TRPC4AP: variants seen among roughly 807,000 people sequenced by gnomAD.
TRPC4AP encodes short transient receptor potential channel 4-associated protein.
A neutral mutation model predicts 99.0 loss-of-function variants in TRPC4AP; 45 were observed. The observed-to-expected ratio is 0.45, with a 90% confidence interval of 0.36 to 0.58. TRPC4AP has a LOEUF of 0.58. TRPC4AP is among the 20% of genes least tolerant of loss of function. The pLI is 0.00. For missense variants in TRPC4AP, 879 were observed against 985.3 expected, an observed-to-expected ratio of 0.89 and a Z score of 1.44; for synonymous variants, 408 against 385.8, an observed-to-expected ratio of 1.06 and a Z score of -0.67.
At chr20:35,054,817 C>T (rs916889873) in intron 5 of TRPC4AP, among the ~76,000 whole-genome samples, 159 bp downstream of exon 5, 2 of 152,164 alleles carry the variant, frequency 1.3e-5, no homozygotes, top group African/African-American at 4.8e-5. Flanking sequence ...GTAATTTCTA[C>T]CAGTTAGTCC....
At position 35,024,825 on chromosome 20, in the gene TRPC4AP, CAAAAAAAAAA is replaced by C. The variant is rs778161091; in HGVS notation, c.1052-3479_1052-3470del. 3.1e-4 allele frequency among the ~76,000 whole-genome samples: 11 copies of C among 35,876 alleles called. 1 individual carries two copies. Among genetic ancestry groups the C allele is most frequent in the East Asian group, 9.6e-4 (1 of 1,046 alleles). The allele number at this position is 35,876 out of a possible 152,430, so 23.5% of individuals were successfully genotyped here. On this transcript the variant is annotated intron_variant, in intron 8 of 18. Transcript: ENST00000252015. ...CCTAGGTGACAGAGAGAGACCGTCT[CAAAAAAAAAA>C]AAAAAAAAAAAAAAAAAAAATTCTG...
chr20:35,019,727 T>C (rs1455946741), intron 9 of TRPC4AP, among the ~76,000 whole-genome samples: 1 of 152,186 alleles, frequency 6.6e-6, no homozygotes, highest in Non-Finnish European at 1.5e-5. Flanking sequence ...AAAACTATTA[T>C]TTTTTATTAA....
intron 2 of TRPC4AP, among the ~76,000 whole-genome samples, chr20:35,070,166 A>G (rs2084268599): frequency 6.6e-6 from 1 of 152,164 alleles, no homozygotes; most frequent in Non-Finnish European, 1.5e-5. Context: ...CCAACAGCAC[A>G]TGAAGCAGAG....
intron 13 of TRPC4AP, among the ~76,000 whole-genome samples, chr20:35,008,084 G>C (rs571352454): frequency 2.6e-5 from 4 of 152,292 alleles, no homozygotes; most frequent in African/African-American, 4.8e-5. Context: ...CTGACCGAGG[G>C]ACCCAGAGGG....
intron 1 of TRPC4AP, among the ~76,000 whole-genome samples, chr20:35,090,058 T>C (rs1203307130): frequency 1.4e-5 from 2 of 146,408 alleles, no homozygotes; most frequent in African/African-American, 5.0e-5. Flanking sequence ...AAGTTGAGCT[T>C]GCCACTGCAC....
chr20:35,017,401 G>C (rs1204918659), intron 9 of TRPC4AP, among the ~76,000 whole-genome samples: 3 of 152,170 alleles, frequency 2.0e-5, no homozygotes, highest in Admixed American at 6.5e-5. Flanking sequence ...AGAGGGGAGA[G>C]AGGCTTCACT....
intron 17 of TRPC4AP, 41 bp downstream of exon 17, chr20:35,004,417 C>T (rs771127670): frequency 1.5e-5 from 23 of 1,560,138 alleles, no homozygotes; most frequent in South Asian, 1.3e-4. Flanking sequence ...AAGTGGTTTC[C>T]AATCGACCTT....
At chr20:35,037,894 C>A (rs770615103) in intron 7 of TRPC4AP, among the ~76,000 whole-genome samples, 1 of 151,898 alleles carries the variant, frequency 6.6e-6, no homozygotes, top group Non-Finnish European at 1.5e-5. Flanking sequence ...ATGGGCTATA[C>A]CAGCTAGGTT....
At chr20:35,026,606 G>A (rs955220907) in intron 8 of TRPC4AP, among the ~76,000 whole-genome samples, 2 of 152,186 alleles carry the variant, frequency 1.3e-5, no homozygotes, top group African/African-American at 4.8e-5. Flanking sequence ...GTAGTCAGCT[G>A]AGAGTTATGA....
At chr20:35,007,516 C>A (rs759751023) in intron 14 of TRPC4AP, 34 bp downstream of exon 14, 2 of 1,608,224 alleles carry the variant, frequency 1.2e-6, no homozygotes, top group African/African-American at 1.3e-5. Flanking sequence ...TGGGGGGAGA[C>A]GGAACCCAAG....
intron 11 of TRPC4AP, among the ~76,000 whole-genome samples, chr20:35,011,575 T>C (rs923397464): frequency 3.9e-5 from 6 of 152,196 alleles, no homozygotes; most frequent in African/African-American, 1.4e-4. Context: ...CATTGTGAAG[T>C]TGAAAAATTC....
At chr20:35,005,596 G>T in intron 16 of TRPC4AP, 99 bp downstream of exon 16, 1 of 1,174,842 alleles carries the variant, frequency 8.5e-7, no homozygotes, top group Non-Finnish European at 1.2e-6. Context: ...ATCTGGTGCA[G>T]CTCCCTCAGT....
At chr20:35,082,084 C>A (rs1340938971) in intron 1 of TRPC4AP, among the ~76,000 whole-genome samples, 2 of 152,068 alleles carry the variant, frequency 1.3e-5, no homozygotes, top group African/African-American at 4.8e-5. Context: ...TGTTAATGAT[C>A]CTAAATTTGA....
intron 7 of TRPC4AP, among the ~76,000 whole-genome samples, chr20:35,037,726 G>A (rs953375933): frequency 6.6e-6 from 1 of 152,156 alleles, no homozygotes; most frequent in Non-Finnish European, 1.5e-5. Context: ...GGTCAACAAC[G>A]ACCACACAGA....
chr20:35,054,872 T>C, intron 5 of TRPC4AP, 104 bp downstream of exon 5: 6 of 1,013,294 alleles, frequency 5.9e-6, no homozygotes, highest in Non-Finnish European at 7.5e-6. Context: ...CCCCACTGTC[T>C]GAAAGCAGCT....
At chr20:35,092,250 CCACGCCCAA>C (rs1468757988) in intron 1 of TRPC4AP, among the ~76,000 whole-genome samples, 2 of 152,162 alleles carry the variant, frequency 1.3e-5, no homozygotes, top group Non-Finnish European at 2.9e-5. Context: ...ACCCCCTCCC[CCACGCCCAA>C]TACACGGGAT....
At chr20:35,006,303 G>T (rs2082514311) in intron 15 of TRPC4AP, 132 bp downstream of exon 15, 3 of 1,070,248 alleles carry the variant, frequency 2.8e-6, no homozygotes, top group Admixed American at 2.3e-5. Flanking sequence ...TCCAATGAAT[G>T]TTTGCCAAAG....
rs1472249302 is a variant in TRPC4AP, at chr20:35,003,236, C to T, written c.2304G>A (p.Leu768=). Residue 768 remains leucine, a synonymous_variant, in exon 19 of 19, where the codon CTG becomes CTA. Coordinates refer to ENST00000252015, the MANE Select transcript of TRPC4AP (RefSeq NM_015638.3). ...AGGGTGACTGCCGGTCCGGGTTCAA[C>T]AGGATGGACACTGTCTCCTTCCAGT... is the stretch of plus-strand genomic sequence containing the variant. The part of the protein sequence containing the change: ...FSYWKETVSI[L]LNPDRQSPSA... 3 of 1,614,194 alleles carry T rather than the reference C, an allele frequency of 1.9e-6. No individual in the cohort carries two copies. In the South Asian group the frequency reaches 3.3e-5, roughly 18 times the overall value.
chr20:35,037,106 G>A (rs1180227258), intron 7 of TRPC4AP, among the ~76,000 whole-genome samples: 2 of 152,138 alleles, frequency 1.3e-5, no homozygotes, highest in Non-Finnish European at 2.9e-5. Context: ...CAGCACTTTG[G>A]GAGGCCGAGG....
Sources: allele counts gnomAD v4.1 joint callset (sites outside exome capture counted in the v4.1 genomes callset), GRCh38; gene constraint gnomAD v4.1.1; transcripts MANE v1.5; gene names NCBI Gene and HGNC (gene_info 2026-07-23, HGNC 2026-07-21).